SEPTIN9: variants seen among roughly 807,000 people sequenced by gnomAD.
SEPTIN9 encodes septin-9.
SEPTIN9 carries 13 observed loss-of-function variants against 56.6 expected under a neutral mutation model. That is an observed-to-expected ratio of 0.23 (90% CI 0.15 to 0.37). The LOEUF (loss-of-function observed/expected upper bound fraction) is 0.37, where lower values mean the gene tolerates loss of function less well. Ranked by LOEUF, SEPTIN9 falls within the 10% of genes least tolerant of loss-of-function variation. SEPTIN9 has a pLI of 1.00. For missense variants in SEPTIN9, 650 were observed against 823.1 expected (o/e 0.79, Z 2.57); for synonymous variants, 332 against 334.1 (o/e 0.99, Z 0.07).
At position 77,451,226 on chromosome 17, in the gene SEPTIN9, C is replaced by A; in HGVS notation, c.722-30918C>A. 4.2e-6 allele frequency: 1 copy of A among 240,964 alleles called. No individual in the cohort carries two copies. Among genetic ancestry groups the A allele is most frequent in the Non-Finnish European group, 6.7e-6 (1 of 149,134 alleles). The allele number at this position is 240,964 out of a possible 1,614,324, so 14.9% of individuals were successfully genotyped here. On this transcript the variant is annotated intron_variant, in intron 3 of 11. Coordinates refer to ENST00000427177, the MANE Select transcript of SEPTIN9 (RefSeq NM_001113491.2). The surrounding 1 kb of genome is among the most constrained non-coding windows in gnomAD (Gnocchi z 4.2). ...GTCACTTTCCTTTAGCGTGTGGCAG[C>A]TCCTTGGCGTCCCTCCCGTGCCTTC... is the stretch of plus-strand genomic sequence containing the variant.
chr17:77,472,637 T>C (rs1328444982), intron 3 of SEPTIN9: 3 of 152,254 alleles, frequency 2.0e-5, no homozygotes, highest in Non-Finnish European at 4.4e-5. Context: ...AAAATGCAGC[T>C]CTTTGCCTTT....
chr17:77,497,243 G>A (rs2040308194), intron 10 of SEPTIN9, 72 bp from the exon 11 acceptor site: 1 of 1,466,054 alleles, frequency 6.8e-7, no homozygotes, highest in Admixed American at 1.9e-5. Flanking sequence ...TTTCTGGGCA[G>A]GGGGAGAGAG....
rs1339387524 is a variant in SEPTIN9 at position 77,433,829 on chromosome 17, T to C, written c.721+31126T>C. On this transcript the variant is annotated intron_variant, in intron 3 of 11. Transcript: ENST00000427177. The surrounding 1 kb of genome is among the most constrained non-coding windows in gnomAD (Gnocchi z 6.4). ...GCCCCCCGCCCCAGGCACTTGATGT[T>C]GCCTGTTCATTTTCCCTCTCTGCCC... Among the ~76,000 whole-genome samples the C allele has an allele frequency of 6.6e-6, 1 of 152,054 alleles. No individual in the cohort carries two copies. The highest frequency in any genetic ancestry group is 1.5e-5 in the Non-Finnish European group (1 of 67,976).
At chr17:77,302,768 G>T (rs903967763) in intron 1 of SEPTIN9, among the ~76,000 whole-genome samples, 3 of 152,168 alleles carry the variant, frequency 2.0e-5, no homozygotes, top group African/African-American at 7.2e-5. Flanking sequence ...CCAAAGAGGG[G>T]CTGTACTTGG....
At chr17:77,483,320 C>G (rs1339748921) in intron 4 of SEPTIN9, 1 of 153,090 alleles carries the variant, frequency 6.5e-6, no homozygotes, top group African/African-American at 2.4e-5. Context: ...TTGGTGTCCT[C>G]TCTGCTTCCT....
intron 2 of SEPTIN9, among the ~76,000 whole-genome samples, chr17:77,335,603 T>G (rs923718498): frequency 6.6e-6 from 1 of 150,758 alleles, no homozygotes; most frequent in African/African-American, 2.4e-5. Flanking sequence ...CATATATACA[T>G]GTAGGCCCCA....
chr17:77,465,248 A>G (rs573063625), intron 3 of SEPTIN9, among the ~76,000 whole-genome samples: 8 of 152,246 alleles, frequency 5.3e-5, no homozygotes, highest in Non-Finnish European at 1.0e-4. Context: ...GCTGATGGAC[A>G]TTTGGGTTGT....
intron 2 of SEPTIN9, among the ~76,000 whole-genome samples, chr17:77,393,549 G>A (rs779104988): frequency 3.9e-5 from 6 of 152,040 alleles, no homozygotes; most frequent in African/African-American, 7.2e-5. Flanking sequence ...CACCCCTGCC[G>A]CGTGCCATGC....
chr17:77,384,774 AG>A (rs2035273178), intron 2 of SEPTIN9, among the ~76,000 whole-genome samples: 1 of 151,942 alleles, frequency 6.6e-6, no homozygotes, highest in African/African-American at 2.4e-5. Flanking sequence ...CAAAATGTGT[AG>A]GGACCTCAGC....
intron 3 of SEPTIN9, among the ~76,000 whole-genome samples, chr17:77,432,779 A>C (rs1234423366): frequency 2.0e-5 from 3 of 152,260 alleles, no homozygotes; most frequent in Admixed American, 6.5e-5. Context: ...TGATGACAGA[A>C]GGTGGAACGC....
intron 2 of SEPTIN9, among the ~76,000 whole-genome samples, chr17:77,311,807 A>G (rs1232917758): frequency 6.6e-6 from 1 of 152,168 alleles, no homozygotes; most frequent in African/African-American, 2.4e-5. Context: ...AAAGTGTGCC[A>G]CGTGGAGGGA....
intron 3 of SEPTIN9, among the ~76,000 whole-genome samples, chr17:77,404,151 G>C (rs1220429808): frequency 6.6e-6 from 1 of 152,176 alleles, no homozygotes; most frequent in Non-Finnish European, 1.5e-5. Flanking sequence ...ATATTCTGTT[G>C]TGCGATGCAC....
chr17:77,319,880 G>C lies in SEPTIN9; in HGVS notation c.76+12683G>C. 9.1e-7 allele frequency: 1 copy of C among 1,094,650 alleles called. No individual in the cohort carries two copies. Among genetic ancestry groups the C allele is most frequent in the Non-Finnish European group, 1.1e-6 (1 of 897,510 alleles). The allele number at this position is 1,094,650 out of a possible 1,614,324, so 67.8% of individuals were successfully genotyped here. On this transcript the variant is annotated intron_variant, in intron 2 of 11. Transcript: ENST00000427177. The surrounding 1 kb of genome is among the most constrained non-coding windows in gnomAD (Gnocchi z 5.3). ...AAGGAGCAGCAAGCCTCGGGGCGGC[G>C]GGGGCTGGAGGAGGTGGAGAGAGGA...
intron 2 of SEPTIN9, among the ~76,000 whole-genome samples, chr17:77,361,335 T>C (rs1330270562): frequency 2.6e-5 from 4 of 151,656 alleles, no homozygotes; most frequent in Admixed American, 1.3e-4. Context: ...GGTCTTTCTC[T>C]GTCTGGGTGA....
intron 3 of SEPTIN9, among the ~76,000 whole-genome samples, chr17:77,407,350 T>A (rs968223053): frequency 1.3e-5 from 2 of 148,218 alleles, no homozygotes; most frequent in African/African-American, 5.0e-5. Flanking sequence ...ATAATAGGTG[T>A]GCCATGAAAT....
chr17:77,429,362 C>G lies in SEPTIN9; in HGVS notation c.721+26659C>G. ...CACCTGGCTGAGAGGTGTGCTGGCT[C>G]TCGCAGGTTGCAAAATGGGGACATC... On this transcript the variant is annotated intron_variant, in intron 3 of 11. Coordinates refer to ENST00000427177, the MANE Select transcript of SEPTIN9 (RefSeq NM_001113491.2). The surrounding 1 kb of genome is among the most constrained non-coding windows in gnomAD (Gnocchi z 5.2). 2 of 445,750 alleles carry G rather than the reference C, an allele frequency of 4.5e-6. No homozygotes were observed. The highest frequency in any genetic ancestry group is 3.3e-5 in the South Asian group (2 of 61,472). The allele number at this position is 445,750 out of a possible 1,614,324, so 27.6% of individuals were successfully genotyped here.
chr17:77,287,996 T>C (rs2031353317), intron 1 of SEPTIN9: 1 of 1,058,856 alleles, frequency 9.4e-7, no homozygotes, highest in South Asian at 4.6e-5. Context: ...GGCCTTTGTG[T>C]CTGGGTGAGA....
chr17:77,353,463 C>T (rs1003409418), intron 2 of SEPTIN9, among the ~76,000 whole-genome samples: 3 of 152,100 alleles, frequency 2.0e-5, no homozygotes, highest in African/African-American at 7.2e-5. Context: ...GGCTATTTCA[C>T]AAGGTAGTGA....
At chr17:77,328,431 T>G (rs2033228974) in intron 2 of SEPTIN9, among the ~76,000 whole-genome samples, 1 of 152,212 alleles carries the variant, frequency 6.6e-6, no homozygotes, top group African/African-American at 2.4e-5. Context: ...AGTGGCGCCA[T>G]CTCGCCTCAC....
Sources: allele counts gnomAD v4.1 joint callset (sites outside exome capture counted in the v4.1 genomes callset), GRCh38; gene constraint gnomAD v4.1.1; non-coding constraint Gnocchi (gnomAD v3.1); transcripts MANE v1.5; gene names NCBI Gene and HGNC (gene_info 2026-07-23, HGNC 2026-07-21).